Variants in WDFY3 observed in about 807,000 individuals in gnomAD.
WDFY3 encodes the protein WD repeat and FYVE domain-containing protein 3.
Under a neutral mutation model 409.6 loss-of-function variants are expected in WDFY3, and 66 were observed. The ratio of observed to expected loss-of-function variants is 0.16; its 90% CI spans 0.13 to 0.20. The LOEUF (loss-of-function observed/expected upper bound fraction) is 0.20. Ranked by LOEUF, WDFY3 falls within the 10% of genes least tolerant of loss-of-function variation. WDFY3 has a pLI of 1.00. For synonymous variants in WDFY3, 1,521 were observed against 1,537.1 expected (o/e 0.99, Z 0.25); for missense variants, 3,031 against 4,298.1 (o/e 0.71, Z 8.24).
intron 47 of WDFY3, among the ~76,000 whole-genome samples, chr4:84,720,670 A>T (rs1734710753): frequency 6.6e-6 from 1 of 152,208 alleles, no homozygotes; most frequent in Admixed American, 6.5e-5. Flanking sequence ...AAGCTTTCTA[A>T]GGCCTCATCA....
rs1022312679 is a variant in WDFY3, at chr4:84,787,238, T to C, written c.3901+244A>G. On this transcript the variant is annotated intron_variant, in intron 23 of 67. Coordinates refer to ENST00000295888, the MANE Select transcript of WDFY3 (RefSeq NM_014991.6). Reference sequence around the variant, plus strand: ...GACTCCTAGAGGGCATATACCTATATCTCAGAGCCAGTAAGAGAAACTGGA... The same window carrying C: ...GACTCCTAGAGGGCATATACCTATACCTCAGAGCCAGTAAGAGAAACTGGA... Among the ~76,000 whole-genome samples the C allele has an allele frequency of 6.6e-6, 1 of 152,070 alleles. No homozygotes were observed. The highest frequency in any genetic ancestry group is 2.4e-5 in the African/African-American group (1 of 41,388).
intron 15 of WDFY3, among the ~76,000 whole-genome samples, chr4:84,805,649 T>C (rs1426637950): frequency 6.6e-6 from 1 of 152,186 alleles, no homozygotes; most frequent in Non-Finnish European, 1.5e-5. Flanking sequence ...TAAATTCTCA[T>C]ATATATTTAA....
rs1165417456 is a variant in WDFY3, at chr4:84,783,031, A to G, written c.4106T>C (p.Ile1369Thr). Residue 1369 changes from isoleucine (I) to threonine (T), a missense_variant, in exon 25 of 68, where the codon ATA becomes ACA. Ile to Thr is a moderately conservative substitution (Grantham distance 89). Transcript: ENST00000295888. ...ATTAAGATGTCCTGCTGAATTGTGT[A>G]TCAACTTCACAGGAGTGGCATTCTC... ...SHENATPVKL[I>T]HNSAGHLNGS... 7 of 1,614,076 alleles carry G rather than the reference A, an allele frequency of 4.3e-6. No homozygotes were observed. The South Asian group carries it at 6.6e-5, about 15-fold the overall frequency.
intron 43 of WDFY3, 93 bp downstream of exon 43, chr4:84,734,950 C>T: frequency 9.5e-7 from 1 of 1,048,396 alleles, no homozygotes; most frequent in Non-Finnish European, 1.4e-6. Flanking sequence ...CCAGCAAGTA[C>T]CTTAAAATGG....
chr4:84,958,178 G>T (rs1324645271), intron 1 of WDFY3, among the ~76,000 whole-genome samples: 1 of 152,156 alleles, frequency 6.6e-6, no homozygotes, highest in Non-Finnish European at 1.5e-5. Context: ...GGAAAAGGCA[G>T]AGGCTGGTAC....
At position 84,678,292 on chromosome 4, in the gene WDFY3, AGT is replaced by A. The variant is rs1560511662; in HGVS notation, c.10148-15_10148-14del. On this transcript the variant is annotated splice_polypyrimidine_tract_variant and intron_variant, in intron 65 of 67. Transcript: ENST00000295888. ...TCCCATCGGTACCCTGGAATGGAGA[AGT>A]GGAGGACACAACATAACTCAACTGA... 1.9e-6 allele frequency: 3 copies of A among 1,595,254 alleles called. No homozygotes were observed. Among genetic ancestry groups the A allele is most frequent in the South Asian group, 2.2e-5 (2 of 90,716 alleles).
At chr4:84,905,154 G>A (rs761516898) in intron 2 of WDFY3, among the ~76,000 whole-genome samples, 55 of 152,114 alleles carry the variant, frequency 3.6e-4, no homozygotes, top group African/African-American at 1.2e-3. Context: ...TGGTCAACAC[G>A]GTGAAACCTT....
At chr4:84,771,563 G>A (rs946366144) in intron 30 of WDFY3, among the ~76,000 whole-genome samples, 8 of 152,102 alleles carry the variant, frequency 5.3e-5, no homozygotes, top group African/African-American at 1.2e-4. Context: ...TTTGCATTTC[G>A]TAGGAAAATG....
At chr4:84,683,860 G>A in intron 63 of WDFY3, 83 bp downstream of exon 63, 1 of 1,422,018 alleles carries the variant, frequency 7.0e-7, no homozygotes, top group East Asian at 2.3e-5. Context: ...TTGTTCAGGT[G>A]TTCTTAACCT....
chr4:84,781,550 C>T (rs1746525677), intron 25 of WDFY3, among the ~76,000 whole-genome samples: 1 of 151,720 alleles, frequency 6.6e-6, no homozygotes, highest in Non-Finnish European at 1.5e-5. Context: ...CATGCCCAGC[C>T]CACAATACCT....
At chr4:84,770,726 A>G (rs941533039) in intron 30 of WDFY3, among the ~76,000 whole-genome samples, 1 of 152,226 alleles carries the variant, frequency 6.6e-6, no homozygotes, top group Non-Finnish European at 1.5e-5. Flanking sequence ...TCAAAAGAAT[A>G]TCACAAAACT....
chr4:84,734,082 T>C (rs1243103388), intron 43 of WDFY3, among the ~76,000 whole-genome samples: 1 of 152,158 alleles, frequency 6.6e-6, no homozygotes, highest in African/African-American at 2.4e-5. Flanking sequence ...GGTAAACATT[T>C]CCAAAGATTT....
chr4:84,849,761 T>G, intron 5 of WDFY3, 141 bp downstream of exon 5: 1 of 1,200,844 alleles, frequency 8.3e-7, no homozygotes, highest in Non-Finnish European at 1.1e-6. Flanking sequence ...AGAATGTGAC[T>G]CTAAGAAAGG....
intron 13 of WDFY3, among the ~76,000 whole-genome samples, chr4:84,813,656 T>C (rs1270374927): frequency 6.6e-6 from 1 of 152,098 alleles, no homozygotes; most frequent in Non-Finnish European, 1.5e-5. Flanking sequence ...AATCAGTTAC[T>C]AACATTAACC....
chr4:84,941,644 T>G (rs1364205099), intron 1 of WDFY3, among the ~76,000 whole-genome samples: 1 of 152,018 alleles, frequency 6.6e-6, no homozygotes, highest in Non-Finnish European at 1.5e-5. Context: ...CAATCAAAAT[T>G]AGAGTAGACT....
At chr4:84,787,362 A>G in intron 23 of WDFY3, 120 bp downstream of exon 23, 1 of 900,198 alleles carries the variant, frequency 1.1e-6, no homozygotes, top group Admixed American at 2.7e-5. Flanking sequence ...GCTGAAGAAG[A>G]TTAGAGGAGA....
At chr4:84,846,483 G>A (rs914879304) in intron 5 of WDFY3, among the ~76,000 whole-genome samples, 2 of 151,508 alleles carry the variant, frequency 1.3e-5, no homozygotes, top group Admixed American at 6.6e-5. Context: ...AATCATAAAG[G>A]GAGTTAGGAA....
intron 17 of WDFY3, among the ~76,000 whole-genome samples, chr4:84,799,584 A>G (rs1395584555): frequency 1.3e-5 from 2 of 152,158 alleles, no homozygotes. Context: ...CGAACTTAAT[A>G]AACAATATTT....
chr4:84,953,748 C>T, intron 1 of WDFY3, among the ~76,000 whole-genome samples: 1 of 151,866 alleles, frequency 6.6e-6, no homozygotes, highest in African/African-American at 2.4e-5. Flanking sequence ...TAATATTTTT[C>T]CCCAAGAAAC....
Sources: allele counts gnomAD v4.1 joint callset (sites outside exome capture counted in the v4.1 genomes callset), GRCh38; gene constraint gnomAD v4.1.1; transcripts MANE v1.5; gene names NCBI Gene and HGNC (gene_info 2026-07-23, HGNC 2026-07-21).